CNTN6: variants seen among roughly 807,000 people sequenced by gnomAD.
CNTN6 encodes the protein contactin-6.
Under a neutral mutation model 122.8 loss-of-function variants are expected in CNTN6, and 137 were observed. The observed-to-expected ratio is 1.12, with a 90% CI of 0.97 to 1.29. The LOEUF is 1.29. Among genes scored for constraint, CNTN6 ranks in the 50% most tolerant of loss-of-function variants. The pLI is 0.00. For missense variants in CNTN6, 1,634 were observed against 1,223.4 expected, an observed-to-expected ratio of 1.34 and a Z score of -5.01; for synonymous variants, 570 against 426.0, an observed-to-expected ratio of 1.34 and a Z score of -4.16.
chr3:1,375,826 A>T (rs1175351354), intron 16 of CNTN6, among the ~76,000 whole-genome samples: 1 of 152,126 alleles, frequency 6.6e-6, no homozygotes, highest in Non-Finnish European at 1.5e-5. Flanking sequence ...TGCAATTTTG[A>T]AAAAGAACAA....
At chr3:1,142,502 G>T (rs2092631314) in intron 1 of CNTN6, among the ~76,000 whole-genome samples, 1 of 152,126 alleles carries the variant, frequency 6.6e-6, no homozygotes, top group Admixed American at 6.6e-5. Flanking sequence ...GAAAAATACA[G>T]TTGGATAATC....
At chr3:1,229,942 G>A (rs1021936020) in intron 4 of CNTN6, among the ~76,000 whole-genome samples, 1 of 152,148 alleles carries the variant, frequency 6.6e-6, no homozygotes, top group South Asian at 2.1e-4. Flanking sequence ...CTAAGAGCTT[G>A]CAAAAGCAAG....
At chr3:1,120,148 T>C (rs2091895988) in intron 1 of CNTN6, among the ~76,000 whole-genome samples, 1 of 151,972 alleles carries the variant, frequency 6.6e-6, no homozygotes, top group African/African-American at 2.4e-5. Flanking sequence ...TTTTCAAGTT[T>C]GGGCTTATTA....
chr3:1,188,439 A>G (rs2125372573), intron 2 of CNTN6, among the ~76,000 whole-genome samples: 1 of 152,336 alleles, frequency 6.6e-6, no homozygotes, highest in South Asian at 2.1e-4. Context: ...TGATAATGCA[A>G]TTATATTTTT....
At chr3:1,228,798 A>T (rs1461427637) in intron 4 of CNTN6, among the ~76,000 whole-genome samples, 2 of 152,190 alleles carry the variant, frequency 1.3e-5, no homozygotes, top group East Asian at 3.9e-4. Context: ...TACTTTGAAA[A>T]AGTAATTGTT....
intron 5 of CNTN6, among the ~76,000 whole-genome samples, chr3:1,293,709 C>CT (rs913004939): frequency 1.3e-5 from 2 of 152,172 alleles, no homozygotes; most frequent in Non-Finnish European, 2.9e-5. Context: ...CAACTGAAGA[C>CT]TTTTTTTGAG....
At chr3:1,326,068 G>A in intron 9 of CNTN6, 117 bp downstream of exon 9, 3 of 831,142 alleles carry the variant, frequency 3.6e-6, no homozygotes, top group Non-Finnish European at 5.5e-6. Flanking sequence ...GTATGTTCCA[G>A]GAAAGGATGC....
chr3:1,390,715 A>G (rs905394039), intron 20 of CNTN6, among the ~76,000 whole-genome samples: 2 of 152,076 alleles, frequency 1.3e-5, no homozygotes, highest in African/African-American at 4.8e-5. Flanking sequence ...AAAAAATGAT[A>G]AAGGGGATAT....
Position 1,323,382 on chromosome 3 carries a change from A to G in CNTN6, c.946+1548A>G, listed in dbSNP as rs1701123792. On this transcript the variant is annotated intron_variant, in intron 8 of 22. Transcript: ENST00000446702. ...TAAGCTCATTGTACTATATCTCACCACAACCAAATTAGCCATTTAATTAGC... is the reference window on the plus strand; with the variant it reads ...TAAGCTCATTGTACTATATCTCACCGCAACCAAATTAGCCATTTAATTAGC... Among the ~76,000 whole-genome samples, 3 of 151,878 alleles carry G rather than the reference A, an allele frequency of 2.0e-5. No homozygotes were observed. The South Asian group carries it at 6.2e-4, about 31-fold the overall frequency.
intron 20 of CNTN6, among the ~76,000 whole-genome samples, chr3:1,395,497 A>G (rs761751320): frequency 1.3e-5 from 2 of 152,132 alleles, no homozygotes; most frequent in Non-Finnish European, 2.9e-5. Context: ...TGCCAGCAAC[A>G]GTAGGGTACC....
intron 3 of CNTN6, among the ~76,000 whole-genome samples, chr3:1,227,409 C>T (rs1464519085): frequency 6.6e-6 from 1 of 152,144 alleles, no homozygotes; most frequent in East Asian, 1.9e-4. Flanking sequence ...TCAATATACG[C>T]TTCTTGAATT....
At chr3:1,219,253 TA>T (rs2094172049) in intron 2 of CNTN6, among the ~76,000 whole-genome samples, 1 of 152,210 alleles carries the variant, frequency 6.6e-6, no homozygotes, top group African/African-American at 2.4e-5. Flanking sequence ...AATGATTATT[TA>T]ACTTCAAGAG....
At chr3:1,307,165 G>T (rs908541015) in intron 7 of CNTN6, among the ~76,000 whole-genome samples, 7 of 152,046 alleles carry the variant, frequency 4.6e-5, no homozygotes, top group Admixed American at 3.9e-4. Flanking sequence ...CATTCTCTTG[G>T]GATCAGCTCT....
At chr3:1,214,960 A>C (rs1485185616) in intron 2 of CNTN6, among the ~76,000 whole-genome samples, 1 of 152,054 alleles carries the variant, frequency 6.6e-6, no homozygotes, top group Non-Finnish European at 1.5e-5. Flanking sequence ...GTCTCCCTAT[A>C]GTACCCAGGC....
intron 2 of CNTN6, among the ~76,000 whole-genome samples, chr3:1,172,973 C>T (rs2125303727): frequency 6.6e-6 from 1 of 152,304 alleles, no homozygotes; most frequent in African/African-American, 2.4e-5. Flanking sequence ...GAAGATCTTT[C>T]TCCAGGAGTG....
At position 1,144,352 on chromosome 3, in the gene CNTN6, G is replaced by C. The variant is rs377723457; in HGVS notation, c.-82-3575G>C. 2.0e-5 allele frequency among the ~76,000 whole-genome samples: 3 copies of C among 152,186 alleles called. No homozygotes were observed. The South Asian group carries it at 6.2e-4, about 32-fold the overall frequency. On this transcript the variant is annotated intron_variant, in intron 1 of 22. Transcript: ENST00000446702. The stretch of plus-strand genomic sequence containing the variant: ...GCACTTTGGGAGGCCAAGATGGACG[G>C]ATCACTGGACATCAGGAGTTCAACA...
At chr3:1,318,352 A>C (rs542142225) in intron 7 of CNTN6, among the ~76,000 whole-genome samples, 1 of 151,562 alleles carries the variant, frequency 6.6e-6, no homozygotes, top group African/African-American at 2.4e-5. Flanking sequence ...TTCATGTTCA[A>C]TTCTCTAGAC....
intron 5 of CNTN6, among the ~76,000 whole-genome samples, chr3:1,292,547 A>G (rs889041193): frequency 1.3e-5 from 2 of 152,194 alleles, no homozygotes; most frequent in African/African-American, 4.8e-5. Flanking sequence ...TGAGTTAGCT[A>G]TTTGTATTTT....
In CNTN6 at chr3:1,401,452, A is replaced by G; in HGVS notation, c.2724A>G (p.Ala908=). The G allele has an allele frequency of 5.6e-6, 9 of 1,612,000 alleles. No homozygotes were observed. Among genetic ancestry groups the G allele is most frequent in the Non-Finnish European group, 7.6e-6 (9 of 1,178,598 alleles). ...TKKSPPSQPP[A]NIAWKLTNSK... is the part of the protein sequence containing the mutation. The stretch of plus-strand genomic sequence containing the variant: ...TTAAAGCTCCAAGCCAACCACCAGC[A>G]AACATTGCCTGGAAGCTGACAAACT... Residue 908 remains alanine (A), a synonymous_variant, in exon 21 of 23, where the codon GCA becomes GCG. Coordinates refer to ENST00000446702, the MANE Select transcript of CNTN6 (RefSeq NM_001289080.2).
Sources: allele counts gnomAD v4.1 joint callset (sites outside exome capture counted in the v4.1 genomes callset), GRCh38; gene constraint gnomAD v4.1.1; transcripts MANE v1.5; gene names NCBI Gene and HGNC (gene_info 2026-07-23, HGNC 2026-07-21).